TMEM63B: variants seen among roughly 807,000 people sequenced by gnomAD.
TMEM63B encodes mechanosensitive cation channel TMEM63B.
Under a neutral mutation model 102.6 loss-of-function variants are expected in TMEM63B, and 23 were observed. The observed-to-expected ratio is 0.22, with a 90% CI of 0.16 to 0.32. The LOEUF is 0.32. Among genes scored for constraint, TMEM63B ranks in the 10% least tolerant of loss-of-function variants. TMEM63B has a pLI of 1.00. For missense variants in TMEM63B, 628 were observed against 1,095.9 expected (o/e 0.57, Z 6.03); for synonymous variants, 444 against 437.0 (o/e 1.02, Z -0.20).
chr6:44,143,546 T>C (rs1214386911), intron 10 of TMEM63B, among the ~76,000 whole-genome samples: 1 of 150,132 alleles, frequency 6.7e-6, no homozygotes, highest in Non-Finnish European at 1.5e-5. Context: ...AGTTGTCAGC[T>C]TGTATTGAAA....
At chr6:44,145,958 T>TC (rs1213533422) in intron 10 of TMEM63B, among the ~76,000 whole-genome samples, 2 of 152,128 alleles carry the variant, frequency 1.3e-5, no homozygotes, top group Admixed American at 6.5e-5. Context: ...GGGCAACAGG[T>TC]CTGGGGTCAG....
At chr6:44,141,142 A>C (rs774066080) in intron 10 of TMEM63B, 44 bp downstream of exon 10, 10 of 1,589,364 alleles carry the variant, frequency 6.3e-6, no homozygotes, top group Non-Finnish European at 8.6e-6. Context: ...CCTGCTGCAG[A>C]GCCTTCTCTG....
intron 12 of TMEM63B, among the ~76,000 whole-genome samples, 158 bp downstream of exon 12, chr6:44,147,658 T>C (rs1488929296): frequency 3.3e-5 from 5 of 152,120 alleles, no homozygotes; most frequent in African/African-American, 1.2e-4. Context: ...AGTGACCAGG[T>C]TTTCAAACCT....
At chr6:44,142,168 C>T (rs946208985) in intron 10 of TMEM63B, among the ~76,000 whole-genome samples, 1 of 149,636 alleles carries the variant, frequency 6.7e-6, no homozygotes, top group South Asian at 2.1e-4. Flanking sequence ...CGGTGGCTCA[C>T]GCCTGTAATC....
Position 44,148,421 on chromosome 6 carries a change from C to T in TMEM63B, c.1121+36C>T. On this transcript the variant is annotated intron_variant, in intron 13 of 23. Transcript: ENST00000323267. The surrounding 1 kb of genome is among the most constrained non-coding windows in gnomAD (Gnocchi z 5.1). ...AACTCGGCCCTCGGCCCTGAGCAGC[C>T]CTCCAGGGCTCCCTGACCCCTGTGC... is the stretch of plus-strand genomic sequence containing the variant. The T allele has an allele frequency of 1.2e-6, 2 of 1,613,906 alleles. No homozygotes were observed. The highest frequency in any genetic ancestry group is 1.1e-5 in the South Asian group (1 of 91,070).
intron 7 of TMEM63B, 39 bp downstream of exon 7, chr6:44,139,648 G>A: frequency 6.2e-7 from 1 of 1,614,166 alleles, no homozygotes; most frequent in Non-Finnish European, 8.5e-7. Context: ...GAGAGAGGAT[G>A]GGGCTGGAGG....
At chr6:44,149,016 T>C (rs1765995366) in intron 15 of TMEM63B, 71 bp downstream of exon 15, 1 of 1,609,734 alleles carries the variant, frequency 6.2e-7, no homozygotes, top group Non-Finnish European at 8.5e-7. Context: ...TGATCCCTCT[T>C]CCACTTGCCC....
At position 44,152,741 on chromosome 6, in the gene TMEM63B, C is replaced by G; in HGVS notation, c.1942+43C>G. ...GGGACCTGGGCCCTGCTCGGGGGGA[C>G]CCAGGACTTCACCCTCTCCACTCTA... On this transcript the variant is annotated intron_variant, in intron 20 of 23. Coordinates refer to ENST00000323267, the MANE Select transcript of TMEM63B (RefSeq NM_018426.3). The surrounding 1 kb of genome is among the most constrained non-coding windows in gnomAD (Gnocchi z 6.4). The G allele has an allele frequency of 6.6e-7, 1 of 1,508,404 alleles. No homozygotes were observed. The highest frequency in any genetic ancestry group is 9.1e-7 in the Non-Finnish European group (1 of 1,096,846). 93.4% of individuals were successfully genotyped at this position (1,508,404 alleles called of 1,614,324 possible). A position where few individuals can be genotyped will look rare whatever the true frequency, so the allele number is the denominator to read the frequency against.
chr6:44,153,287 A>G (rs1767181767), intron 20 of TMEM63B, among the ~76,000 whole-genome samples: 2 of 152,198 alleles, frequency 1.3e-5, no homozygotes, highest in South Asian at 2.1e-4. Context: ...GAAGGCTCCA[A>G]GTTCCCAAAC....
At chr6:44,146,449 G>GTTTTTTTTTTTTTTTTTTTTTTTTTTTTT in intron 10 of TMEM63B, among the ~76,000 whole-genome samples, 1 of 150,218 alleles carries the variant, frequency 6.7e-6, no homozygotes, top group East Asian at 2.1e-4. Flanking sequence ...GGAGATGTGG[G>GTTTTTTTTTTTTTTTTTTTTTTTTTTTTT]TTTTTTTGTC....
rs910858895 is a variant in TMEM63B at position 44,148,722 on chromosome 6, AGT to A, written c.1260-67_1260-66del. On this transcript the variant is annotated intron_variant, in intron 14 of 23. Coordinates refer to ENST00000323267, the MANE Select transcript of TMEM63B (RefSeq NM_018426.3). The surrounding 1 kb of genome is among the most constrained non-coding windows in gnomAD (Gnocchi z 5.1). ...CTCAGTAGGTAGGCGGAGGAGAGGG[AGT>A]GTCTTGGTGTCACTGGGGGCCAATC... The A allele has an allele frequency of 3.0e-5, 48 of 1,610,462 alleles. 1 individual carries two copies. The highest frequency in any genetic ancestry group is 3.7e-5 in the Non-Finnish European group (44 of 1,177,370).
At chr6:44,128,555 C>T (rs911783517) in intron 1 of TMEM63B, among the ~76,000 whole-genome samples, 1 of 152,262 alleles carries the variant, frequency 6.6e-6, no homozygotes, top group African/African-American at 2.4e-5. Flanking sequence ...GAGGGGCTGG[C>T]TGCCCTTGGG....
rs771496677 is a variant in TMEM63B at position 44,154,465 on chromosome 6, G to A, written c.2307+20G>A. 4.9e-5 allele frequency: 79 copies of A among 1,613,492 alleles called. No individual in the cohort carries two copies. The highest frequency in any genetic ancestry group is 6.7e-5 in the Non-Finnish European group (79 of 1,179,726). On this transcript the variant is annotated intron_variant, in intron 23 of 23. Transcript: ENST00000323267. ...TCTGCGGTGAGTGCCCTCAAGGGTT[G>A]GGAGGGGCCTCTGACAGACTCAGCC... is the stretch of plus-strand genomic sequence containing the variant.
Position 44,134,660 on chromosome 6 carries a change from G to A in TMEM63B, c.76G>A (p.Ala26Thr), listed in dbSNP as rs920629099. The change falls in exon 2 of 24, where the codon GCC becomes ACC. Residue 26 changes from alanine (A) to threonine (T), a missense_variant. Ala to Thr is a moderately conservative substitution (Grantham distance 58, BLOSUM62 0). This residue lies in a region of TMEM63B where 336 missense variants were observed against 580.3 expected (regional missense o/e 0.58). Coordinates refer to ENST00000323267, the MANE Select transcript of TMEM63B (RefSeq NM_018426.3). ...CAACCCCAAGGACTACTGCTACAGCGCCCGCATCCGCAGCACTGTCCTGCA... is the reference window on the plus strand; with the variant it reads ...CAACCCCAAGGACTACTGCTACAGCACCCGCATCCGCAGCACTGTCCTGCA... ...NSNPKDYCYS[A>T]RIRSTVLQGL... 6.2e-7 allele frequency: 1 copy of A among 1,614,210 alleles called. No individual in the cohort carries two copies. Among genetic ancestry groups the A allele is most frequent in the Non-Finnish European group, 8.5e-7 (1 of 1,180,030 alleles).
intron 1 of TMEM63B, among the ~76,000 whole-genome samples, chr6:44,129,134 G>A (rs1451812260): frequency 6.6e-6 from 1 of 152,134 alleles, no homozygotes; most frequent in Non-Finnish European, 1.5e-5. Flanking sequence ...TTGGGAGACT[G>A]AGGCGGACAG....
Position 44,148,719 on chromosome 6 carries a change from G to A in TMEM63B, c.1259+69G>A, listed in dbSNP as rs1470290084. 12 of 1,610,610 alleles carry A rather than the reference G, an allele frequency of 7.5e-6. No homozygotes were observed. The highest frequency in any genetic ancestry group is 1.7e-5 in the Admixed American group (1 of 59,936). On this transcript the variant is annotated intron_variant, in intron 14 of 23. Coordinates refer to ENST00000323267, the MANE Select transcript of TMEM63B (RefSeq NM_018426.3). The surrounding 1 kb of genome is among the most constrained non-coding windows in gnomAD (Gnocchi z 5.1). Reference sequence around the variant, plus strand: ...GGGCTCAGTAGGTAGGCGGAGGAGAGGGAGTGTCTTGGTGTCACTGGGGGC... The same window carrying A: ...GGGCTCAGTAGGTAGGCGGAGGAGAAGGAGTGTCTTGGTGTCACTGGGGGC...
Position 44,150,617 on chromosome 6 carries a change from C to T in TMEM63B, c.1661C>T (p.Ala554Val). The T allele has an allele frequency of 6.2e-7, 1 of 1,614,112 alleles. No homozygotes were observed. The highest frequency in any genetic ancestry group is 2.2e-5 in the East Asian group (1 of 44,878). The change falls in exon 18 of 24, where the codon GCT (alanine) becomes GTT (valine). Residue 554 changes from alanine to valine, a missense_variant. This residue lies in a region of TMEM63B where 61 missense variants were observed against 176.0 expected (regional missense o/e 0.35). Coordinates refer to ENST00000323267, the MANE Select transcript of TMEM63B (RefSeq NM_018426.3). This position sits in a 1 kb window ranked among gnomAD's most constrained non-coding sequence, Gnocchi z 4.7. ...LFDKKFLAEA[A>V]IRFECVFLPD... Reference sequence around the variant, plus strand: ...GATAAGAAATTCTTGGCTGAGGCAGCTATTCGGTTTGAGTGAGTGACTGGG... The same window carrying T: ...GATAAGAAATTCTTGGCTGAGGCAGTTATTCGGTTTGAGTGAGTGACTGGG...
chr6:44,155,052 A>T lies in TMEM63B; in HGVS notation c.*169A>T, dbSNP rs980765429. 7.7e-6 allele frequency: 5 copies of T among 651,904 alleles called. No individual in the cohort carries two copies. Among genetic ancestry groups the T allele is most frequent in the Non-Finnish European group, 9.4e-6 (4 of 427,000 alleles). 40.4% of individuals were successfully genotyped at this position (651,904 alleles called of 1,614,324 possible). On this transcript the variant is annotated 3_prime_UTR_variant, in exon 24 of 24. Coordinates refer to ENST00000323267, the MANE Select transcript of TMEM63B (RefSeq NM_018426.3). ...CACTGCTCTCCCCCATGATGGAGGGAGGGAGCCCCCCAACCTCAGTGAGGA... is the reference window on the plus strand; with the variant it reads ...CACTGCTCTCCCCCATGATGGAGGGTGGGAGCCCCCCAACCTCAGTGAGGA...
intron 10 of TMEM63B, among the ~76,000 whole-genome samples, chr6:44,141,323 A>T (rs1352142750): frequency 6.6e-6 from 1 of 152,214 alleles, no homozygotes; most frequent in East Asian, 1.9e-4. Context: ...AGAGTGAGTC[A>T]TTCAAACCCC....
Sources: gnomAD v4.1 joint callset for allele counts (sites outside exome capture counted in the v4.1 genomes callset) on GRCh38, gnomAD v4.1.1 for gene constraint, gnomAD v4.1.1 regional missense constraint, Gnocchi (gnomAD v3.1) non-coding constraint, MANE v1.5 for transcripts, NCBI Gene and HGNC (gene_info 2026-07-23, HGNC 2026-07-21) for gene names.